The following PROX2 variants were observed in gnomAD, a reference collection of about 807,000 sequenced individuals.
The protein encoded by PROX2 is prospero homeobox protein 2.
Under a neutral mutation model 48.9 loss-of-function variants are expected in PROX2, and 46 were observed. The observed-to-expected ratio is 0.94, with a 90% CI of 0.74 to 1.20. The LOEUF is 1.20. Ranked by LOEUF, PROX2 falls within the 50% of genes most tolerant of loss-of-function variation. The pLI is 0.00. For missense variants in PROX2, 663 were observed against 719.4 expected (o/e 0.92, Z 0.90); for synonymous variants, 260 against 276.6 (o/e 0.94, Z 0.60).
In PROX2 at chr14:74,855,210, C is replaced by A; in HGVS notation, c.1701G>T (p.Lys567Asn). ...TCGAAATAATTTTATAAATGGGTTT[C>A]TTCCAGGAAGGATCTGAGTCTCTCC... is the stretch of plus-strand genomic sequence containing the variant. ...SAGRDSDPSW[K>N]KPIYKIISKL... Residue 567 changes from lysine (K) to asparagine (N), a missense_variant, in exon 6 of 6, where the codon AAG (lysine) becomes AAT (asparagine). Coordinates refer to ENST00000556489, the MANE Select transcript of PROX2 (RefSeq NM_001243007.2). 1 of 1,594,728 alleles carries A rather than the reference C, an allele frequency of 6.3e-7. No homozygotes were observed.
intron 2 of PROX2, among the ~76,000 whole-genome samples, chr14:74,866,297 A>G (rs932010831): frequency 6.6e-6 from 1 of 152,208 alleles, no homozygotes; most frequent in African/African-American, 2.4e-5. Context: ...AATTGTAGAA[A>G]TAAGCCTGGG....
At chr14:74,867,775 C>T (rs1357421628) in intron 2 of PROX2, among the ~76,000 whole-genome samples, 1 of 152,124 alleles carries the variant, frequency 6.6e-6, no homozygotes, top group Non-Finnish European at 1.5e-5. Context: ...TTCTGAGGTT[C>T]CGTGTAGTCT....
At position 74,863,017 on chromosome 14, in the gene PROX2, G is replaced by A. The variant is rs1390201711; in HGVS notation, c.818C>T (p.Pro273Leu). Residue 273 changes from proline (P) to leucine (L), a missense_variant, in exon 3 of 6, where the codon CCT becomes CTT. Coordinates refer to ENST00000556489, the MANE Select transcript of PROX2 (RefSeq NM_001243007.2). ...ATCTTTACAGGCCCCTCCCACAGGA[G>A]GTGAGGGCTCGCTTCTACCCTCTGC... is the stretch of plus-strand genomic sequence containing the variant. ...QVAEGRSEPS[P>L]PVGGACKDPL... 1 of 1,614,014 alleles carries A rather than the reference G, an allele frequency of 6.2e-7. No homozygotes were observed. The highest frequency in any genetic ancestry group is 1.7e-5 in the Admixed American group (1 of 60,018).
At chr14:74,868,487 T>G (rs111285893) in intron 2 of PROX2, among the ~76,000 whole-genome samples, 2,296 of 151,360 alleles carry the variant, frequency 0.015, 53 homozygotes, top group African/African-American at 0.053. Context: ...TGTACCCTAA[T>G]TTACTTAACA....
Position 74,863,655 on chromosome 14 carries a change from G to A in PROX2, c.180C>T (p.His60=). 6.3e-7 allele frequency: 1 copy of A among 1,577,044 alleles called. No homozygotes were observed. Among genetic ancestry groups the A allele is most frequent in the Non-Finnish European group, 8.6e-7 (1 of 1,162,536 alleles). The change falls in exon 3 of 6, where the codon CAC becomes CAT. Residue 60 remains histidine (H), a synonymous_variant. Coordinates refer to ENST00000556489, the MANE Select transcript of PROX2 (RefSeq NM_001243007.2). ...CCACTCTGGCCCTCTTTGCCTGGAT[G>A]TGCTCATCACCAAACCATTCGGGGT... The part of the protein sequence containing the change: ...PTDPEWFGDE[H]IQAKRARVET...
chr14:74,854,950 GTTA>G lies in PROX2; in HGVS notation c.*179_*181del, dbSNP rs2091730679. On this transcript the variant is annotated 3_prime_UTR_variant, in exon 6 of 6. Coordinates refer to ENST00000556489, the MANE Select transcript of PROX2 (RefSeq NM_001243007.2). ...ACCAATATAGTTAGTACATTTTATAGTTAAATTTCTGATGATTCTGGAAAGGGA... is the reference window on the plus strand; with the variant it reads ...ACCAATATAGTTAGTACATTTTATAGAATTTCTGATGATTCTGGAAAGGGA... The G allele has an allele frequency of 1.2e-5, 5 of 424,030 alleles. No homozygotes were observed. The South Asian group carries it at 4.1e-4, about 35-fold the overall frequency. The allele number at this position is 424,030 out of a possible 1,614,324, so 26.3% of individuals were successfully genotyped here.
In PROX2 at chr14:74,855,251, T is replaced by C; in HGVS notation, c.1660A>G (p.Arg554Gly). 2 of 1,583,852 alleles carry C rather than the reference T, an allele frequency of 1.3e-6. No homozygotes were observed. ...GAGTCTCTCCCTGCGGAGACAGCCC[T>C]GAAGAACTCCTGTAACGTCAAGCTG... is the stretch of plus-strand genomic sequence containing the variant. ...IASLTLQEFF[R>G]AVSAGRDSDP... Residue 554 changes from arginine to glycine, a missense_variant, in exon 6 of 6, where the codon AGG becomes GGG. Transcript: ENST00000556489.
chr14:74,858,778 T>TTGTG (rs3083647), intron 3 of PROX2: 69,698 of 213,552 alleles, frequency 0.33, 11,157 homozygotes, highest in East Asian at 0.4. Context: ...TTGGTGTATT[T>TTGTG]TGTGTGTGTG....
rs1272620694 is a variant in PROX2, at chr14:74,875,918, C to T, written c.-333G>A. Among the ~76,000 whole-genome samples the T allele has an allele frequency of 1.3e-5, 2 of 152,204 alleles. No homozygotes were observed. Among genetic ancestry groups the T allele is most frequent in the Non-Finnish European group, 2.9e-5 (2 of 68,044 alleles). On this transcript the variant is annotated 5_prime_UTR_variant, in exon 1 of 6. Transcript: ENST00000556489. ...ACAGGGAAGAGGTCCTCTGGGAGGTCCTTGTCTTGGGCTCTGTGGCCAGGT... is the reference window on the plus strand; with the variant it reads ...ACAGGGAAGAGGTCCTCTGGGAGGTTCTTGTCTTGGGCTCTGTGGCCAGGT...
intron 3 of PROX2, among the ~76,000 whole-genome samples, chr14:74,860,956 C>T (rs2091790346): frequency 6.6e-6 from 1 of 152,180 alleles, no homozygotes. Flanking sequence ...GGTAGCCTTT[C>T]TTATAAAGAA....
chr14:74,870,553 C>A (rs925172964), intron 2 of PROX2, among the ~76,000 whole-genome samples: 6 of 148,930 alleles, frequency 4.0e-5, no homozygotes, highest in African/African-American at 1.5e-4. Flanking sequence ...TCTATTTTTT[C>A]TTTTTATTTT....
At position 74,863,710 on chromosome 14, in the gene PROX2, C is replaced by T; in HGVS notation, c.125G>A (p.Trp42Ter). ...PELDRDSPFP[W>*]SQVPSSSPTD... is the part of the protein sequence containing the mutation. ...AGGGCTGGAGCTGGGGACCTGACTC[C>T]AGGGAAACGGGGAGTCTCTATCCAG... Residue 42 changes from tryptophan to a stop codon, truncating the protein, a stop_gained, in exon 3 of 6, where the codon TGG becomes TAG. Coordinates refer to ENST00000556489, the MANE Select transcript of PROX2 (RefSeq NM_001243007.2). LOFTEE classifies it high-confidence loss of function. The T allele has an allele frequency of 6.5e-7, 1 of 1,533,488 alleles. No individual in the cohort carries two copies. Among genetic ancestry groups the T allele is most frequent in the Non-Finnish European group, 8.7e-7 (1 of 1,143,756 alleles). 95.0% of individuals were successfully genotyped at this position (1,533,488 alleles called of 1,614,324 possible). A position where few individuals can be genotyped will look rare whatever the true frequency, so the allele number is the denominator to read the frequency against.
rs770182656 is a variant in PROX2, at chr14:74,854,347, C to A, written c.*785G>T. On this transcript the variant is annotated 3_prime_UTR_variant, in exon 6 of 6. Coordinates refer to ENST00000556489, the MANE Select transcript of PROX2 (RefSeq NM_001243007.2). ...AGCAGAAATCTTGGGCGGTGAAGTG[C>A]TCCTAAGTGCTGGGCAGGAGTTGTC... 9 of 388,014 alleles carry A rather than the reference C, an allele frequency of 2.3e-5. No individual in the cohort carries two copies. The highest frequency in any genetic ancestry group is 4.7e-5 in the Non-Finnish European group (9 of 191,208). The allele number at this position is 388,014 out of a possible 1,614,324, so 24.0% of individuals were successfully genotyped here.
chr14:74,861,190 A>G (rs2140166431), intron 3 of PROX2: 1 of 1,351,472 alleles, frequency 7.4e-7, no homozygotes, highest in Non-Finnish European at 9.8e-7. Context: ...GTTGCCAGGC[A>G]AAGGACACGA....
Position 74,862,665 on chromosome 14 carries a change from C to T in PROX2, c.1170G>A (p.Leu390=). The T allele has an allele frequency of 6.2e-7, 1 of 1,613,976 alleles. No homozygotes were observed. ...AGGGACACTGCTGCTGGCTCAGGAC[C>T]AATGGTTGCGGCTTAGTAGTTCTCC... is the stretch of plus-strand genomic sequence containing the variant. ...RPWRTTKPQP[L]VLSQQQCPLP... Residue 390 remains leucine, a synonymous_variant, in exon 3 of 6, where the codon TTG becomes TTA. Transcript: ENST00000556489.
intron 5 of PROX2, chr14:74,856,559 C>T (rs1332316733): frequency 1.3e-5 from 7 of 528,232 alleles, no homozygotes; most frequent in Admixed American, 9.4e-5. Context: ...TGGTGTAACA[C>T]CTGGCAGCCC....
chr14:74,875,400 C>A (rs1883318312), intron 1 of PROX2, among the ~76,000 whole-genome samples: 1 of 152,180 alleles, frequency 6.6e-6, no homozygotes, highest in African/African-American at 2.4e-5. Context: ...CAAGGTCACA[C>A]AGCAGCTGCA....
intron 1 of PROX2, among the ~76,000 whole-genome samples, 80 bp downstream of exon 1, chr14:74,875,815 T>C (rs1883329699): frequency 6.6e-6 from 1 of 152,276 alleles, no homozygotes; most frequent in Non-Finnish European, 1.5e-5. Context: ...CTTCTCTGCA[T>C]ATTTGACAAT....
chr14:74,864,213 C>T (rs535419679), intron 2 of PROX2, among the ~76,000 whole-genome samples: 13 of 152,054 alleles, frequency 8.5e-5, no homozygotes, highest in South Asian at 2.1e-4. Context: ...GAGGAGACTC[C>T]GAGAGTGATC....
Sources: allele counts gnomAD v4.1 joint callset (sites outside exome capture counted in the v4.1 genomes callset), GRCh38; gene constraint gnomAD v4.1.1; transcripts MANE v1.5; gene names NCBI Gene and HGNC (gene_info 2026-07-23, HGNC 2026-07-21).